The following C9orf85 variants were observed in gnomAD, a reference collection of about 807,000 sequenced individuals.
C9orf85 encodes uncharacterized protein C9orf85.
C9orf85 carries 16 observed loss-of-function variants against 14.9 expected under a neutral mutation model. The observed-to-expected ratio is 1.08, with a 90% CI of 0.73 to 1.63. The LOEUF (loss-of-function observed/expected upper bound fraction) is 1.63, where lower values mean the gene tolerates loss of function less well. Among genes scored for constraint, C9orf85 ranks in the 40% most tolerant of loss-of-function variants. The pLI, the probability that C9orf85 is intolerant of heterozygous loss-of-function variation, is 0.00. For synonymous variants in C9orf85, 45 were observed against 56.8 expected (o/e 0.79, Z 0.93); for missense variants, 172 against 186.1 (o/e 0.92, Z 0.44).
intron 3 of C9orf85, among the ~76,000 whole-genome samples, chr9:71,981,300 A>G (rs1823090994): frequency 6.6e-6 from 1 of 152,214 alleles, no homozygotes; most frequent in Non-Finnish European, 1.5e-5. Flanking sequence ...GTCATACAGC[A>G]TCCTCTTTTT....
chr9:71,976,153 A>G (rs967691090), downstream of C9orf85, among the ~76,000 whole-genome samples: 8 of 152,346 alleles, frequency 5.3e-5, no homozygotes, highest in African/African-American at 1.7e-4. Context: ...TAACCCTTCT[A>G]GTCCAAAAGC....
intron 2 of C9orf85, among the ~76,000 whole-genome samples, chr9:71,965,251 T>G (rs1822658440): frequency 6.6e-6 from 1 of 152,214 alleles, no homozygotes; most frequent in Non-Finnish European, 1.5e-5. Context: ...AATAGATGAT[T>G]GGCTATTTCT....
chr9:71,974,806 G>C (rs1822972236), downstream of C9orf85, among the ~76,000 whole-genome samples: 1 of 152,126 alleles, frequency 6.6e-6, no homozygotes, highest in African/African-American at 2.4e-5. Flanking sequence ...TCTAATACTT[G>C]GTATCAGACT....
intron 2 of C9orf85, among the ~76,000 whole-genome samples, chr9:71,959,379 C>T (rs1365023852): frequency 3.9e-5 from 6 of 152,204 alleles, no homozygotes; most frequent in South Asian, 4.1e-4. Context: ...TCAGATGATC[C>T]GCCTGCCTCA....
chr9:71,959,321 G>A (rs1166312059), intron 2 of C9orf85, among the ~76,000 whole-genome samples: 1 of 151,854 alleles, frequency 6.6e-6, no homozygotes, highest in Non-Finnish European at 1.5e-5. Context: ...ATTTTTAGTA[G>A]AGACAGGGTT....
chr9:71,948,290 T>A (rs1382921658), intron 2 of C9orf85, among the ~76,000 whole-genome samples: 1 of 152,194 alleles, frequency 6.6e-6, no homozygotes, highest in Admixed American at 6.5e-5. Flanking sequence ...AGATACAATA[T>A]GACCTTTGTT....
intron 2 of C9orf85, among the ~76,000 whole-genome samples, chr9:71,959,554 C>G (rs1822462260): frequency 6.6e-6 from 1 of 152,160 alleles, no homozygotes; most frequent in Non-Finnish European, 1.5e-5. Flanking sequence ...ACTCTGTAAG[C>G]TAGTAAACAG....
At chr9:71,985,055 A>T (rs1823183421), downstream of C9orf85, 1 of 152,226 alleles carries the variant, frequency 6.6e-6, no homozygotes, top group South Asian at 2.1e-4. Context: ...TCTTGTCCTC[A>T]TCAAGTACTG....
chr9:71,962,606 A>G (rs1252192162), intron 2 of C9orf85, among the ~76,000 whole-genome samples: 1 of 152,268 alleles, frequency 6.6e-6, no homozygotes, highest in Non-Finnish European at 1.5e-5. Context: ...AGGCAGTGCC[A>G]GAAGAGTTGT....
chr9:71,926,410 G>A (rs1291559922), intron 1 of C9orf85, among the ~76,000 whole-genome samples: 3 of 152,122 alleles, frequency 2.0e-5, no homozygotes, highest in African/African-American at 7.2e-5. Context: ...ATTGGATAAT[G>A]TAGATTTAGG....
intron 2 of C9orf85, among the ~76,000 whole-genome samples, chr9:71,957,657 T>G (rs754173581): frequency 1.1e-4 from 17 of 152,320 alleles, no homozygotes; most frequent in Non-Finnish European, 2.1e-4. Context: ...ATAAATGCTA[T>G]TTTCCAGAAT....
intron 2 of C9orf85, among the ~76,000 whole-genome samples, chr9:71,968,978 T>C (rs1033390707): frequency 6.6e-6 from 1 of 150,614 alleles, no homozygotes; most frequent in Non-Finnish European, 1.5e-5. Flanking sequence ...CAGGTCAGAG[T>C]AGGTGACCAG....
chr9:71,952,884 A>AG (rs397814804), intron 2 of C9orf85, among the ~76,000 whole-genome samples: 2 of 151,552 alleles, frequency 1.3e-5, no homozygotes, highest in Admixed American at 6.6e-5. Context: ...AAAAAAAAAA[A>AG]TCACCAGCAT....
rs895160851 is a variant in C9orf85 at position 71,958,285 on chromosome 9, G to A, written c.209+11173G>A. 5.6e-5 allele frequency among the ~76,000 whole-genome samples: 8 copies of A among 142,452 alleles called. No individual in the cohort carries two copies. The East Asian group carries it at 8.2e-4, about 15-fold the overall frequency. 93.5% of individuals were successfully genotyped at this position (142,452 alleles called of 152,430 possible). A position where few individuals can be genotyped will look rare whatever the true frequency, so the allele number is the denominator to read the frequency against. On this transcript the variant is annotated intron_variant, in intron 2 of 3. Transcript: ENST00000334731. ...ATATAAATTTTTTTTTTTTTGAGAC[G>A]GAGTTTCGCTCTTGTTGCCCAGACT...
intron 1 of C9orf85, among the ~76,000 whole-genome samples, chr9:71,930,733 A>G (rs1305422242): frequency 2.2e-5 from 3 of 136,688 alleles, no homozygotes; most frequent in Non-Finnish European, 4.6e-5. Context: ...TGAGCCTGGG[A>G]GGTGGAGGCT....
At chr9:71,939,816 A>C (rs1176005752) in intron 1 of C9orf85, among the ~76,000 whole-genome samples, 1 of 152,174 alleles carries the variant, frequency 6.6e-6, no homozygotes, top group Admixed American at 6.5e-5. Flanking sequence ...ACACATACTT[A>C]ATTTTTGAGA....
At chr9:71,941,150 T>A (rs1028001667) in intron 1 of C9orf85, among the ~76,000 whole-genome samples, 8 of 152,214 alleles carry the variant, frequency 5.3e-5, no homozygotes, top group Non-Finnish European at 8.8e-5. Flanking sequence ...CGATCTTTTT[T>A]AAAAAATTAA....
intron 2 of C9orf85, among the ~76,000 whole-genome samples, chr9:71,954,303 A>G (rs957929099): frequency 6.6e-6 from 1 of 151,602 alleles, no homozygotes; most frequent in Admixed American, 6.6e-5. Context: ...TCTAGACTGT[A>G]GGGAAAAAGG....
At chr9:71,931,391 G>C (rs541392459) in intron 1 of C9orf85, among the ~76,000 whole-genome samples, 1 of 152,138 alleles carries the variant, frequency 6.6e-6, no homozygotes, top group Non-Finnish European at 1.5e-5. Flanking sequence ...ACTAAACAGT[G>C]TTTAGTCTGT....
Sources: gnomAD v4.1 joint callset for allele counts (sites outside exome capture counted in the v4.1 genomes callset) on GRCh38, gnomAD v4.1.1 for gene constraint, MANE v1.5 for transcripts, NCBI Gene and HGNC (gene_info 2026-07-23, HGNC 2026-07-21) for gene names.